Variants in LOXHD1 observed in about 807,000 individuals in gnomAD.
LOXHD1 encodes the protein lipoxygenase homology domain-containing protein 1.
In LOXHD1, 205 loss-of-function variants were observed where a neutral mutation model predicts 248.2. That is an observed-to-expected ratio of 0.83 (90% CI 0.74 to 0.93). The LOEUF (loss-of-function observed/expected upper bound fraction) is 0.93. Among genes scored for constraint, LOXHD1 ranks in the 40% least tolerant of loss-of-function variants. The pLI, the probability that LOXHD1 is intolerant of heterozygous loss-of-function variation, is 0.00. For missense variants in LOXHD1, 2,930 were observed against 2,971.6 expected (o/e 0.99, Z 0.33); for synonymous variants, 1,113 against 1,162.8 (o/e 0.96, Z 0.87).
chr18:46,618,333 T>C (rs1299289235), intron 4 of LOXHD1, 43 bp from the exon 5 acceptor site: 4 of 1,400,498 alleles, frequency 2.9e-6, no homozygotes, highest in Admixed American at 3.9e-5. Flanking sequence ...ATCAGGATCC[T>C]GAAAAGAGAA....
chr18:46,479,763 G>GAAAAA (rs11366561), intron 40 of LOXHD1, among the ~76,000 whole-genome samples: 7 of 125,998 alleles, frequency 5.6e-5, no homozygotes, highest in Non-Finnish European at 8.3e-5. Context: ...ATTCTTAACA[G>GAAAAA]AAAAAAAAAA....
At chr18:46,502,176 C>T (rs1238012760) in intron 37 of LOXHD1, among the ~76,000 whole-genome samples, 3 of 152,172 alleles carry the variant, frequency 2.0e-5, no homozygotes, top group Admixed American at 2.0e-4. Flanking sequence ...AGGGAATTGA[C>T]ATACCACATC....
rs2036568867 is a variant in LOXHD1, at chr18:46,541,763, G to C, written c.3913+13C>G. 1.9e-6 allele frequency: 3 copies of C among 1,551,664 alleles called. No individual in the cohort carries two copies. The highest frequency in any genetic ancestry group is 2.6e-6 in the Non-Finnish European group (3 of 1,146,968). ...CCCAGAGAAGGGCTGGCCTTGCCGT[G>C]TGTGGTTCCTACATGGTGTGTACAG... On this transcript the variant is annotated intron_variant, in intron 25 of 40. Coordinates refer to ENST00000642948, the MANE Select transcript of LOXHD1 (RefSeq NM_001384474.1).
intron 10 of LOXHD1, among the ~76,000 whole-genome samples, chr18:46,592,913 C>A (rs933390202): frequency 6.6e-6 from 1 of 152,184 alleles, no homozygotes; most frequent in African/African-American, 2.4e-5. Context: ...GGCAGCCCTG[C>A]AAATTAGCAC....
intron 4 of LOXHD1, among the ~76,000 whole-genome samples, chr18:46,635,563 C>T (rs1295251718): frequency 2.0e-5 from 3 of 152,178 alleles, no homozygotes; most frequent in African/African-American, 4.8e-5. Flanking sequence ...CCTCCCCTTC[C>T]TCTCAGATCA....
chr18:46,541,320 T>C (rs1461647307), intron 25 of LOXHD1, among the ~76,000 whole-genome samples: 1 of 152,130 alleles, frequency 6.6e-6, no homozygotes, highest in Non-Finnish European at 1.5e-5. Context: ...TTCAAGCCAT[T>C]GTGGGGCTGG....
chr18:46,629,886 C>T (rs969396668), intron 4 of LOXHD1, among the ~76,000 whole-genome samples: 4 of 152,172 alleles, frequency 2.6e-5, no homozygotes, highest in African/African-American at 4.8e-5. Flanking sequence ...TCCACCCCTC[C>T]CACCACCTGC....
intron 34 of LOXHD1, 146 bp downstream of exon 34, chr18:46,517,983 C>T (rs1568126311): frequency 9.9e-7 from 1 of 1,008,022 alleles, no homozygotes; most frequent in Non-Finnish European, 1.5e-6. Flanking sequence ...GAGAAAGGTA[C>T]TGAGACAGAA....
At chr18:46,653,739 C>A (rs989232735) in intron 1 of LOXHD1, among the ~76,000 whole-genome samples, 1 of 152,184 alleles carries the variant, frequency 6.6e-6, no homozygotes, top group Non-Finnish European at 1.5e-5. Context: ...CCAGTTCTAC[C>A]ATTATTGGCT....
In LOXHD1 at chr18:46,507,712, T is replaced by C. The variant is rs2034668913; in HGVS notation, c.5518A>G (p.Ile1840Val). The C allele has an allele frequency of 1.3e-6, 2 of 1,548,804 alleles. No homozygotes were observed. Among genetic ancestry groups the C allele is most frequent in the Non-Finnish European group, 1.7e-6 (2 of 1,144,602 alleles). The change falls in exon 36 of 41, where the codon ATC becomes GTC. Residue 1840 changes from isoleucine (I) to valine (V), a missense_variant and splice_region_variant. Coordinates refer to ENST00000642948, the MANE Select transcript of LOXHD1 (RefSeq NM_001384474.1). Reference sequence around the variant, plus strand: ...CCAGTGTTCATGTTCTTCAGTAGGATCTGGGGGAGAGGGAGCCACCGTGGG... The same window carrying C: ...CCAGTGTTCATGTTCTTCAGTAGGACCTGGGGGAGAGGGAGCCACCGTGGG... ...GSRPEWFLERILLKNMNTGDL... is the reference protein window; with the variant it reads ...GSRPEWFLERVLLKNMNTGDL...
chr18:46,524,388 G>A (rs757607340), intron 31 of LOXHD1, 78 bp downstream of exon 31: 50 of 1,504,866 alleles, frequency 3.3e-5, no homozygotes, highest in Non-Finnish European at 3.3e-5. Flanking sequence ...TGGGGCTCAA[G>A]AATGGCTCAT....
intron 31 of LOXHD1, 82 bp from the exon 32 acceptor site, chr18:46,522,391 AC>A: frequency 8.6e-7 from 1 of 1,163,254 alleles, no homozygotes; most frequent in South Asian, 1.4e-5. Flanking sequence ...TTTGGAAGTG[AC>A]CTCTGAGGGC....
At chr18:46,578,810 A>G (rs544503423) in intron 13 of LOXHD1, among the ~76,000 whole-genome samples, 15 of 152,360 alleles carry the variant, frequency 9.8e-5, no homozygotes, top group Admixed American at 5.9e-4. Flanking sequence ...CAGAGACGGT[A>G]CATCCACTGC....
chr18:46,597,838 G>GCTCCAC (rs1013684085), intron 8 of LOXHD1, among the ~76,000 whole-genome samples: 7 of 151,410 alleles, frequency 4.6e-5, no homozygotes, highest in Non-Finnish European at 1.0e-4. Context: ...CGCACTGCAA[G>GCTCCAC]CTCCACCTCC....
At chr18:46,615,859 C>T (rs328128) in intron 5 of LOXHD1, among the ~76,000 whole-genome samples, 130,371 of 152,220 alleles carry the variant, frequency 0.86, 55,988 homozygotes, top group East Asian at 0.98. Flanking sequence ...TGCTTCATAT[C>T]TTGGGAATAT....
At chr18:46,648,082 C>G (rs560126216) in intron 2 of LOXHD1, among the ~76,000 whole-genome samples, 1 of 152,070 alleles carries the variant, frequency 6.6e-6, no homozygotes, top group Non-Finnish European at 1.5e-5. Flanking sequence ...CATGGTGAAA[C>G]CCCGTTTCTA....
At chr18:46,559,660 TG>T in intron 19 of LOXHD1, 58 bp from the exon 20 acceptor site, 1 of 1,521,268 alleles carries the variant, frequency 6.6e-7, no homozygotes, top group Non-Finnish European at 8.9e-7. Context: ...TGTTTGGACC[TG>T]AGGCACAGCC....
chr18:46,519,105 C>G, intron 33 of LOXHD1: 1 of 985,044 alleles, frequency 1.0e-6, no homozygotes, highest in Non-Finnish European at 1.2e-6. Context: ...CAAGAGAAAG[C>G]ACTTACACTG....
At chr18:46,601,933 A>C (rs185013871) in intron 7 of LOXHD1, among the ~76,000 whole-genome samples, 1 of 152,308 alleles carries the variant, frequency 6.6e-6, no homozygotes, top group East Asian at 1.9e-4. Context: ...TGATAACTTA[A>C]AAACATAACT....
Sources: gnomAD v4.1 joint callset for allele counts (sites outside exome capture counted in the v4.1 genomes callset) on GRCh38, gnomAD v4.1.1 for gene constraint, MANE v1.5 for transcripts, NCBI Gene and HGNC (gene_info 2026-07-23, HGNC 2026-07-21) for gene names.